Variants in GPC5 observed in about 807,000 individuals in gnomAD.
The protein encoded by GPC5 is glypican 5, also known as glypican-5.
GPC5 carries 47 observed loss-of-function variants against 53.9 expected under a neutral mutation model. That is an observed-to-expected ratio of 0.87 (90% CI 0.69 to 1.11). The LOEUF is 1.11. GPC5 is among the 50% of genes most tolerant of loss of function. The pLI is 0.00. For synonymous variants in GPC5, 286 were observed against 263.3 expected (o/e 1.09, Z -0.84); for missense variants, 748 against 713.1 (o/e 1.05, Z -0.56).
chr13:91,572,226 CAT>C (rs1490913911), intron 2 of GPC5, among the ~76,000 whole-genome samples: 5 of 130,684 alleles, frequency 3.8e-5, no homozygotes, highest in African/African-American at 1.3e-4. Context: ...TATATATACA[CAT>C]ATGTATATAC....
chr13:92,131,371 A>G (rs1213762953), intron 6 of GPC5, among the ~76,000 whole-genome samples: 1 of 152,062 alleles, frequency 6.6e-6, no homozygotes, highest in East Asian at 1.9e-4. Flanking sequence ...AGTCTATGTC[A>G]GTCTATCAAA....
chr13:92,192,721 T>C (rs1461175361), intron 7 of GPC5, among the ~76,000 whole-genome samples: 1 of 152,214 alleles, frequency 6.6e-6, no homozygotes, highest in African/African-American at 2.4e-5. Context: ...TAATTTTATG[T>C]CTATGCCCAC....
chr13:92,365,454 C>A (rs1007584853), intron 7 of GPC5, among the ~76,000 whole-genome samples: 1 of 151,560 alleles, frequency 6.6e-6, no homozygotes, highest in Non-Finnish European at 1.5e-5. Context: ...CTACACTAGA[C>A]TTTTAAAATA....
At chr13:91,440,428 A>T (rs1474398849) in intron 1 of GPC5, among the ~76,000 whole-genome samples, 1 of 152,190 alleles carries the variant, frequency 6.6e-6, no homozygotes, top group Non-Finnish European at 1.5e-5. Flanking sequence ...TTCATATATA[A>T]TATTTTTCAG....
At chr13:91,719,280 T>TAG (rs2036413928) in intron 3 of GPC5, among the ~76,000 whole-genome samples, 1 of 152,262 alleles carries the variant, frequency 6.6e-6, no homozygotes, top group East Asian at 1.9e-4. Flanking sequence ...CCTCCACAGA[T>TAG]GTGCAAGCTG....
rs951978255 is a variant in GPC5 at position 92,546,415 on chromosome 13, C to G, written c.1562-319867C>G. Among the ~76,000 whole-genome samples, 3 of 152,170 alleles carry G rather than the reference C, an allele frequency of 2.0e-5. No homozygotes were observed. In the East Asian group the frequency reaches 5.8e-4, roughly 29 times the overall value. On this transcript the variant is annotated intron_variant, in intron 7 of 7. Coordinates refer to ENST00000377067, the MANE Select transcript of GPC5 (RefSeq NM_004466.6). ...CAAATCATGAGTGAACTCCCATTCA[C>G]AATTGCTTCAAAGAGAATAAATTAC...
rs1399273718 is a variant in GPC5 at position 92,317,346 on chromosome 13, G to A, written c.1561+172357G>A. On this transcript the variant is annotated intron_variant, in intron 7 of 7. Transcript: ENST00000377067. ...GGTGGGAAAAGGGTCCAAGATAATG[G>A]GTGAAAAGAGAGTTATTCAAAGTTA... is the stretch of plus-strand genomic sequence containing the variant. Among the ~76,000 whole-genome samples, 5 of 152,090 alleles carry A rather than the reference G, an allele frequency of 3.3e-5. No homozygotes were observed. The East Asian group carries it at 9.6e-4, about 29-fold the overall frequency.
chr13:91,767,335 T>C (rs2037544311), intron 5 of GPC5, among the ~76,000 whole-genome samples: 1 of 152,208 alleles, frequency 6.6e-6, no homozygotes, highest in African/African-American at 2.4e-5. Context: ...ACTATATCAG[T>C]GTTTTCAAGG....
intron 7 of GPC5, among the ~76,000 whole-genome samples, chr13:92,668,238 T>C (rs1344033054): frequency 6.6e-6 from 1 of 152,136 alleles, no homozygotes; most frequent in African/African-American, 2.4e-5. Flanking sequence ...TAATATGATA[T>C]TTATATAAGG....
At chr13:91,879,744 G>A (rs1173116019) in intron 5 of GPC5, among the ~76,000 whole-genome samples, 1 of 152,182 alleles carries the variant, frequency 6.6e-6, no homozygotes, top group African/African-American at 2.4e-5. Context: ...GTCTGTAGCA[G>A]TAAATGTACA....
chr13:92,470,462 A>G (rs959323676), intron 7 of GPC5, among the ~76,000 whole-genome samples: 1 of 152,064 alleles, frequency 6.6e-6, no homozygotes, highest in Non-Finnish European at 1.5e-5. Context: ...TATATTTTCT[A>G]TGTATTTTCT....
At chr13:91,670,554 C>A (rs1292465407) in intron 2 of GPC5, among the ~76,000 whole-genome samples, 1 of 152,112 alleles carries the variant, frequency 6.6e-6, no homozygotes, top group African/African-American at 2.4e-5. Flanking sequence ...ACAATATATT[C>A]TTTCTAATAA....
chr13:91,786,433 C>A (rs1566683734), intron 5 of GPC5, among the ~76,000 whole-genome samples: 1 of 152,152 alleles, frequency 6.6e-6, no homozygotes. Flanking sequence ...TTTTTTGTTA[C>A]CTGTACATCT....
Position 91,982,547 on chromosome 13 carries a change from G to C in GPC5, c.1401+74490G>C, listed in dbSNP as rs573050341. On this transcript the variant is annotated intron_variant, in intron 6 of 7. Coordinates refer to ENST00000377067, the MANE Select transcript of GPC5 (RefSeq NM_004466.6). ...ATGAGTGGCTGCACAGTTAGCTGAA[G>C]AGCATTAACATACAAAGAGTGAGTG... is the stretch of plus-strand genomic sequence containing the variant. 3.3e-5 allele frequency among the ~76,000 whole-genome samples: 5 copies of C among 152,094 alleles called. No homozygotes were observed. In the East Asian group the frequency reaches 9.7e-4, roughly 29 times the overall value.
intron 7 of GPC5, among the ~76,000 whole-genome samples, chr13:92,726,795 A>G (rs76714980): frequency 8.6e-5 from 13 of 151,544 alleles, no homozygotes; most frequent in Non-Finnish European, 1.6e-4. Flanking sequence ...AACCCAGTCA[A>G]TATGGCCAAG....
chr13:92,270,573 A>G (rs1429485189), intron 7 of GPC5, among the ~76,000 whole-genome samples: 1 of 152,196 alleles, frequency 6.6e-6, no homozygotes, highest in Non-Finnish European at 1.5e-5. Context: ...TAAGTTACCC[A>G]GTCTCAAGTA....
chr13:92,627,714 G>C (rs1484715701), intron 7 of GPC5, among the ~76,000 whole-genome samples: 1 of 152,114 alleles, frequency 6.6e-6, no homozygotes, highest in Non-Finnish European at 1.5e-5. Context: ...CTAAATCCAA[G>C]GAGCAGTTGC....
chr13:92,501,622 A>G (rs1317816737), intron 7 of GPC5, among the ~76,000 whole-genome samples: 1 of 152,096 alleles, frequency 6.6e-6, no homozygotes. Flanking sequence ...GGTAAACCCA[A>G]AGAAGTGTGG....
chr13:92,408,725 A>T (rs553951647), intron 7 of GPC5, among the ~76,000 whole-genome samples: 16 of 152,144 alleles, frequency 1.1e-4, no homozygotes, highest in African/African-American at 3.6e-4. Flanking sequence ...TGTGATACCA[A>T]TCAACAGCCA....
Sources: allele counts gnomAD v4.1 joint callset (sites outside exome capture counted in the v4.1 genomes callset), GRCh38; gene constraint gnomAD v4.1.1; transcripts MANE v1.5; gene names NCBI Gene and HGNC (gene_info 2026-07-23, HGNC 2026-07-21).